Variants in OXCT1 observed in about 807,000 individuals in gnomAD.
OXCT1 encodes the protein succinyl-CoA:3-ketoacid coenzyme A transferase 1, mitochondrial.
Under a neutral mutation model 69.6 loss-of-function variants are expected in OXCT1, and 27 were observed. That is an observed-to-expected ratio of 0.39 (90% CI 0.29 to 0.54). The LOEUF (loss-of-function observed/expected upper bound fraction) is 0.54. Ranked by LOEUF, OXCT1 falls within the 20% of genes least tolerant of loss-of-function variation. OXCT1 has a pLI of 0.72. For missense variants in OXCT1, 437 were observed against 650.2 expected (o/e 0.67, Z 3.57); for synonymous variants, 202 against 217.8 (o/e 0.93, Z 0.64).
chr5:41,859,881 A>AC (rs1749645119), intron 3 of OXCT1, among the ~76,000 whole-genome samples: 1 of 117,828 alleles, frequency 8.5e-6, no homozygotes, highest in Non-Finnish European at 1.9e-5. Context: ...ATATATATAT[A>AC]TATATGTAAT....
chr5:41,830,584 C>T (rs1748049015), intron 7 of OXCT1, among the ~76,000 whole-genome samples: 1 of 152,156 alleles, frequency 6.6e-6, no homozygotes, highest in Non-Finnish European at 1.5e-5. Flanking sequence ...CTCCATATGT[C>T]AGAGATGTTT....
intron 13 of OXCT1, among the ~76,000 whole-genome samples, chr5:41,776,865 GA>G (rs963035361): frequency 1.3e-5 from 2 of 150,592 alleles, no homozygotes; most frequent in African/African-American, 2.4e-5. Context: ...TAGAGCTTTG[GA>G]AAAAAAAATC....
chr5:41,816,766 TG>T (rs1159665143), intron 7 of OXCT1, among the ~76,000 whole-genome samples: 1 of 152,142 alleles, frequency 6.6e-6, no homozygotes, highest in Non-Finnish European at 1.5e-5. Flanking sequence ...TAATCTTCCT[TG>T]AGTCATATCA....
intron 13 of OXCT1, among the ~76,000 whole-genome samples, chr5:41,787,327 C>T (rs376702306): frequency 2.0e-5 from 3 of 151,998 alleles, no homozygotes; most frequent in Non-Finnish European, 2.9e-5. Context: ...ACACACAGTA[C>T]GGGACTACCA....
chr5:41,788,115 C>T, intron 13 of OXCT1, among the ~76,000 whole-genome samples: 1 of 152,016 alleles, frequency 6.6e-6, no homozygotes, highest in East Asian at 1.9e-4. Flanking sequence ...AAAGAACACA[C>T]AATAAGGCAG....
chr5:41,798,407 C>T (rs1396640157), intron 11 of OXCT1, among the ~76,000 whole-genome samples: 2 of 152,118 alleles, frequency 1.3e-5, no homozygotes, highest in Admixed American at 6.5e-5. Flanking sequence ...TGGTTAACTC[C>T]AGCGGATAGG....
chr5:41,829,136 A>G (rs1392294049), intron 7 of OXCT1, among the ~76,000 whole-genome samples: 2 of 152,142 alleles, frequency 1.3e-5, no homozygotes, highest in East Asian at 3.8e-4. Context: ...GATGAGGAAT[A>G]TGCCCTATTT....
At chr5:41,849,807 T>C (rs373474046) in intron 5 of OXCT1, among the ~76,000 whole-genome samples, 1 of 152,210 alleles carries the variant, frequency 6.6e-6, no homozygotes, top group South Asian at 2.1e-4. Flanking sequence ...GTACACCATA[T>C]GTGGATTACA....
chr5:41,793,040 T>C (rs563888495), intron 13 of OXCT1, among the ~76,000 whole-genome samples: 1 of 152,328 alleles, frequency 6.6e-6, no homozygotes, highest in South Asian at 2.1e-4. Flanking sequence ...CAGGTGGCAT[T>C]AGATCAAATG....
intron 7 of OXCT1, among the ~76,000 whole-genome samples, chr5:41,809,712 T>A (rs1003450946): frequency 6.6e-6 from 1 of 152,052 alleles, no homozygotes; most frequent in Admixed American, 6.6e-5. Context: ...CTATTTTCTT[T>A]TGGTTCCATC....
At chr5:41,759,022 T>C (rs147654700) in intron 14 of OXCT1, among the ~76,000 whole-genome samples, 1 of 151,762 alleles carries the variant, frequency 6.6e-6, no homozygotes, top group East Asian at 1.9e-4. Context: ...ATTTTTGGAT[T>C]ATTTTCTTTT....
chr5:41,821,048 T>A (rs1457782199), intron 7 of OXCT1, among the ~76,000 whole-genome samples: 1 of 152,224 alleles, frequency 6.6e-6, no homozygotes, highest in Non-Finnish European at 1.5e-5. Context: ...CAGTGTCTTA[T>A]GTAGCAAATC....
intron 7 of OXCT1, among the ~76,000 whole-genome samples, chr5:41,815,836 C>T (rs890912375): frequency 4.6e-5 from 7 of 152,196 alleles, no homozygotes; most frequent in South Asian, 2.1e-4. Flanking sequence ...AGAAAAAGTT[C>T]GTGTTGGGTT....
chr5:41,855,462 A>G (rs972592766), intron 3 of OXCT1, among the ~76,000 whole-genome samples: 2 of 152,216 alleles, frequency 1.3e-5, no homozygotes, highest in African/African-American at 2.4e-5. Context: ...AAATGTAGTG[A>G]TAAGGACCAG....
chr5:41,798,981 T>C (rs1250081816), intron 11 of OXCT1, among the ~76,000 whole-genome samples: 4 of 152,200 alleles, frequency 2.6e-5, no homozygotes, highest in East Asian at 1.9e-4. Flanking sequence ...CCAATTTGTA[T>C]AACAAGGTTT....
intron 5 of OXCT1, among the ~76,000 whole-genome samples, chr5:41,847,034 A>G (rs1001533801): frequency 3.9e-5 from 6 of 152,128 alleles, no homozygotes; most frequent in African/African-American, 1.4e-4. Context: ...GACCGCTAGC[A>G]AGACTAATAA....
chr5:41,805,423 T>C (rs1326401528), intron 9 of OXCT1, 144 bp downstream of exon 9: 1 of 500,068 alleles, frequency 2.0e-6, no homozygotes, highest in African/African-American at 2.1e-5. Context: ...CCACATTTTG[T>C]AAAAAAAAAA....
intron 13 of OXCT1, among the ~76,000 whole-genome samples, chr5:41,780,098 G>A (rs1040428707): frequency 5.3e-5 from 8 of 152,092 alleles, no homozygotes; most frequent in African/African-American, 1.9e-4. Context: ...TATAATAACA[G>A]TCTGAGGAAA....
At chr5:41,844,253 T>G (rs1399179728) in intron 5 of OXCT1, among the ~76,000 whole-genome samples, 2 of 152,194 alleles carry the variant, frequency 1.3e-5, no homozygotes, top group Non-Finnish European at 2.9e-5. Context: ...CTTCCTCACT[T>G]TTTGGTTCTT....
Sources: allele counts gnomAD v4.1 joint callset (sites outside exome capture counted in the v4.1 genomes callset), GRCh38; gene constraint gnomAD v4.1.1; transcripts MANE v1.5; gene names NCBI Gene and HGNC (gene_info 2026-07-23, HGNC 2026-07-21).